The following DIS3 variants were observed in gnomAD, a reference collection of about 807,000 sequenced individuals.
DIS3 encodes the protein exosome complex exonuclease RRP44.
DIS3 carries 103 observed loss-of-function variants against 113.0 expected under a neutral mutation model. The observed-to-expected ratio is 0.91, with a 90% CI of 0.78 to 1.07. DIS3 has a LOEUF of 1.07. DIS3 is among the 50% of genes least tolerant of loss of function. The pLI is 0.00. For synonymous variants in DIS3, 402 were observed against 394.3 expected (o/e 1.02, Z -0.23); for missense variants, 1,121 against 1,167.1 (o/e 0.96, Z 0.58).
chr13:72,774,602 T>C (rs192327204), intron 6 of DIS3, among the ~76,000 whole-genome samples: 1 of 152,264 alleles, frequency 6.6e-6, no homozygotes, highest in African/African-American at 2.4e-5. Flanking sequence ...ATGGATAATT[T>C]TATAGTGAGA....
chr13:72,781,263 A>G, intron 1 of DIS3: 1 of 1,550,920 alleles, frequency 6.4e-7, no homozygotes, highest in Non-Finnish European at 8.7e-7. Flanking sequence ...GTTGGCCCAC[A>G]TAGTTTTTTG....
intron 11 of DIS3, 102 bp from the exon 12 acceptor site, chr13:72,771,247 A>T: frequency 2.1e-6 from 2 of 951,822 alleles, no homozygotes; most frequent in Non-Finnish European, 3.2e-6. Flanking sequence ...GAAAGAAAAG[A>T]GTGTTCTGCT....
chr13:72,761,937 A>G lies in DIS3; in HGVS notation c.2328T>C (p.Thr776=). The change falls in exon 17 of 21, where the codon ACT becomes ACC. Residue 776 remains threonine (T), a synonymous_variant. Transcript: ENST00000377767. The stretch of plus-strand genomic sequence containing the variant: ...GGAAAAAATACCTTCTAATGGGTGA[A>G]GTAAAATGTGTGTATATTGGAGACG... ...GLASPIYTHF[T]SPIRRYADVI... 6.2e-7 allele frequency: 1 copy of G among 1,614,116 alleles called. No homozygotes were observed. The highest frequency in any genetic ancestry group is 8.5e-7 in the Non-Finnish European group (1 of 1,180,018).
At chr13:72,781,362 G>A in intron 1 of DIS3, 1 of 1,550,990 alleles carries the variant, frequency 6.4e-7, no homozygotes, top group Non-Finnish European at 8.7e-7. Flanking sequence ...ACAATCTAAG[G>A]CAGAAGAGAC....
In DIS3 at chr13:72,780,878, C is replaced by A. The variant is rs1277688949; in HGVS notation, c.354G>T (p.Lys118Asn). Residue 118 changes from lysine (K) to asparagine (N), a missense_variant, in exon 2 of 21, where the codon AAG (lysine) becomes AAT (asparagine). Coordinates refer to ENST00000377767, the MANE Select transcript of DIS3 (RefSeq NM_014953.5). ...RIRDVTNNQEKHFYTFTNEHH... is the reference protein window; with the variant it reads ...RIRDVTNNQENHFYTFTNEHH... ...GCTCATTAGTGAAAGTATAGAAATGCTTCTCTTGGTTATTAGTCACATCTC... is the reference window on the plus strand; with the variant it reads ...GCTCATTAGTGAAAGTATAGAAATGATTCTCTTGGTTATTAGTCACATCTC... The A allele has an allele frequency of 6.2e-7, 1 of 1,610,292 alleles. No homozygotes were observed. The highest frequency in any genetic ancestry group is 1.3e-5 in the African/African-American group (1 of 74,456).
chr13:72,775,073 T>C, intron 6 of DIS3, 138 bp downstream of exon 6: 2 of 916,300 alleles, frequency 2.2e-6, no homozygotes, highest in South Asian at 2.7e-5. Context: ...AAAAAAACCA[T>C]GTGTATGACA....
chr13:72,756,255 GA>G lies in DIS3; in HGVS notation c.*3539del. On this transcript the variant is annotated 3_prime_UTR_variant, in exon 21 of 21. Coordinates refer to ENST00000377767, the MANE Select transcript of DIS3 (RefSeq NM_014953.5). ...CTTGAAACCTTACTGCTGACCTGCAGAAAATGTGCCGCGTTATGTACCTGGC... is the reference window on the plus strand; with the variant it reads ...CTTGAAACCTTACTGCTGACCTGCAGAAATGTGCCGCGTTATGTACCTGGC... 1 of 232,822 alleles carries G rather than the reference GA, an allele frequency of 4.3e-6. No homozygotes were observed. The highest frequency in any genetic ancestry group is 8.2e-6 in the Non-Finnish European group (1 of 121,828). The allele number at this position is 232,822 out of a possible 1,614,324, so 14.4% of individuals were successfully genotyped here.
intron 16 of DIS3, among the ~76,000 whole-genome samples, chr13:72,762,737 C>T (rs925428504): frequency 5.3e-5 from 8 of 152,006 alleles, no homozygotes; most frequent in Admixed American, 4.6e-4. Context: ...AAAATGTGCC[C>T]TTTCTATAGT....
chr13:72,767,423 C>T (rs2033776707), intron 14 of DIS3, among the ~76,000 whole-genome samples: 1 of 151,424 alleles, frequency 6.6e-6, no homozygotes, highest in Non-Finnish European at 1.5e-5. Flanking sequence ...ATTCAATTAT[C>T]TTCTTCTTAT....
chr13:72,767,157 G>GC (rs2033769002), intron 14 of DIS3, among the ~76,000 whole-genome samples: 2 of 150,476 alleles, frequency 1.3e-5, no homozygotes, highest in African/African-American at 2.4e-5. Flanking sequence ...GCAAAAGACG[G>GC]TTTTTTTTTC....
chr13:72,775,429 T>C (rs2033990721), intron 5 of DIS3, 54 bp from the exon 6 acceptor site: 1 of 1,514,484 alleles, frequency 6.6e-7, no homozygotes, highest in Non-Finnish European at 8.8e-7. Flanking sequence ...GGCAATATAA[T>C]AAAGGGAAGA....
At chr13:72,761,252 A>T (rs1464552995) in intron 19 of DIS3, 111 bp downstream of exon 19, 1 of 1,368,482 alleles carries the variant, frequency 7.3e-7, no homozygotes, top group Non-Finnish European at 9.7e-7. Context: ...GGAGATCAGG[A>T]TAAATTCTTC....
At position 72,778,173 on chromosome 13, in the gene DIS3, A is replaced by G. The variant is rs2034066110; in HGVS notation, c.580+14T>C. ...TTGCAAACATGCACTAAGTACTTCT[A>G]CATTTAGACTTACAAGTGAAAGCTG... On this transcript the variant is annotated intron_variant, in intron 3 of 20. Transcript: ENST00000377767. The G allele has an allele frequency of 2.6e-6, 4 of 1,559,760 alleles. No individual in the cohort carries two copies. Among genetic ancestry groups the G allele is most frequent in the Non-Finnish European group, 3.5e-6 (4 of 1,140,662 alleles).
rs559855585 is a variant in DIS3 at position 72,780,753 on chromosome 13, C to T, written c.386+93G>A. The stretch of plus-strand genomic sequence containing the variant: ...ATAAGGTATGAAATCTATCACTTAT[C>T]TTCTGACAATGTCATAAATTACTCA... On this transcript the variant is annotated intron_variant, in intron 2 of 20. Transcript: ENST00000377767. 76 of 1,196,026 alleles carry T rather than the reference C, an allele frequency of 6.4e-5. No homozygotes were observed. The African/African-American group carries it at 1.0e-3, about 16-fold the overall frequency. The allele number at this position is 1,196,026 out of a possible 1,614,324, so 74.1% of individuals were successfully genotyped here.
chr13:72,759,212 CT>C lies in DIS3; in HGVS notation c.*582del, dbSNP rs759328115. 26 of 196,886 alleles carry C rather than the reference CT, an allele frequency of 1.3e-4. No homozygotes were observed. The highest frequency in any genetic ancestry group is 2.6e-4 in the Non-Finnish European group (25 of 95,040). 12.2% of individuals were successfully genotyped at this position (196,886 alleles called of 1,614,324 possible). A position where few individuals can be genotyped will look rare whatever the true frequency, so the allele number is the denominator to read the frequency against. On this transcript the variant is annotated 3_prime_UTR_variant, in exon 21 of 21. Coordinates refer to ENST00000377767, the MANE Select transcript of DIS3 (RefSeq NM_014953.5). ...TTTCCAGTCAGGTCAAAATATCCTA[CT>C]TTTTGCCTTTCTACCAATTCCCAAA...
At position 72,776,005 on chromosome 13, in the gene DIS3, G is replaced by C. The variant is rs1250518714; in HGVS notation, c.742C>G (p.Gln248Glu). 1 of 1,611,618 alleles carries C rather than the reference G, an allele frequency of 6.2e-7. No homozygotes were observed. Among genetic ancestry groups the C allele is most frequent in the Admixed American group, 1.7e-5 (1 of 59,652 alleles). Residue 248 changes from glutamine to glutamate, a missense_variant, in exon 5 of 21, where the codon CAA (glutamine) becomes GAA (glutamate). This residue lies in a region of DIS3 where 861 missense variants were observed against 915.5 expected (regional missense o/e 0.94). Coordinates refer to ENST00000377767, the MANE Select transcript of DIS3 (RefSeq NM_014953.5). ...TCCCTGCTAGCTCTAAATGTTCCTT[G>C]AAGGTATGTACCAGATTTTATGCCT... Reference protein sequence around the residue: ...QQGIKSGTYLQGTFRASRENY... With the variant: ...QQGIKSGTYLEGTFRASRENY...
rs2033367267 is a variant in DIS3 at position 72,754,144 on chromosome 13, G to A, written c.*5651C>T. ...GTCAGGACAGTCTTTAATTTTATGT[G>A]CCAATTTTTTTTGCATTTTATTTTT... On this transcript the variant is annotated 3_prime_UTR_variant, in exon 21 of 21. Transcript: ENST00000377767. 1 of 184,772 alleles carries A rather than the reference G, an allele frequency of 5.4e-6. No individual in the cohort carries two copies. Among genetic ancestry groups the A allele is most frequent in the South Asian group, 1.3e-4 (1 of 7,678 alleles). 11.4% of individuals were successfully genotyped at this position (184,772 alleles called of 1,614,324 possible). A position where few individuals can be genotyped will look rare whatever the true frequency, so the allele number is the denominator to read the frequency against.
intron 19 of DIS3, among the ~76,000 whole-genome samples, chr13:72,760,934 T>C (rs935014373): frequency 2.0e-5 from 3 of 152,080 alleles, no homozygotes; most frequent in African/African-American, 7.2e-5. Flanking sequence ...TTTAGTCTAG[T>C]AGAGGAACAC....
Position 72,762,132 on chromosome 13 carries a change from C to A in DIS3, c.2133G>T (p.Leu711Phe). 1 of 1,613,158 alleles carries A rather than the reference C, an allele frequency of 6.2e-7. No homozygotes were observed. Among genetic ancestry groups the A allele is most frequent in the Non-Finnish European group, 8.5e-7 (1 of 1,179,698 alleles). ...ILVKAARSRNLEIKTDTAKSL... is the reference protein window; with the variant it reads ...ILVKAARSRNFEIKTDTAKSL... The stretch of plus-strand genomic sequence containing the variant: ...ACTTGGCTGTATCAGTCTTAATTTC[C>A]AAATTCTGTAAACAAAAAGGAGGGA... Residue 711 changes from leucine to phenylalanine, a missense_variant, in exon 17 of 21, where the codon TTG (leucine) becomes TTT (phenylalanine). This residue lies in a region of DIS3 where 861 missense variants were observed against 915.5 expected (regional missense o/e 0.94). Transcript: ENST00000377767.
Sources: gnomAD v4.1 joint callset for allele counts (sites outside exome capture counted in the v4.1 genomes callset) on GRCh38, gnomAD v4.1.1 for gene constraint, gnomAD v4.1.1 regional missense constraint, MANE v1.5 for transcripts, NCBI Gene and HGNC (gene_info 2026-07-23, HGNC 2026-07-21) for gene names.